FAT3: variants seen among roughly 807,000 people sequenced by gnomAD.
FAT3 encodes the protein FAT atypical cadherin 3.
A neutral mutation model predicts 310.2 loss-of-function variants in FAT3; 95 were observed. That is an observed-to-expected ratio of 0.31 (90% CI 0.26 to 0.36). The LOEUF (loss-of-function observed/expected upper bound fraction) is 0.36, where lower values mean the gene tolerates loss of function less well. Ranked by LOEUF, FAT3 falls within the 10% of genes least tolerant of loss-of-function variation. FAT3 has a pLI of 1.00. For missense variants in FAT3, 5,408 were observed against 5,715.6 expected (o/e 0.95, Z 1.74); for synonymous variants, 2,314 against 2,192.9 (o/e 1.06, Z -1.54).
chr11:92,304,364 T>A (rs1947069592), intron 1 of FAT3, among the ~76,000 whole-genome samples: 2 of 152,108 alleles, frequency 1.3e-5, no homozygotes, highest in African/African-American at 2.4e-5. Flanking sequence ...ACATCAGGGC[T>A]AGCAGCTGCT....
intron 2 of FAT3, among the ~76,000 whole-genome samples, chr11:92,453,278 C>A (rs1272877173): frequency 6.6e-6 from 1 of 152,168 alleles, no homozygotes; most frequent in East Asian, 1.9e-4. Flanking sequence ...TTCCTATTCA[C>A]CAGTAAAACC....
intron 2 of FAT3, among the ~76,000 whole-genome samples, chr11:92,430,447 T>A (rs1256424961): frequency 1.3e-5 from 2 of 152,118 alleles, no homozygotes; most frequent in Admixed American, 1.3e-4. Flanking sequence ...TTTTGCACTG[T>A]TTTTTCCTTA....
At position 92,465,211 on chromosome 11, in the gene FAT3, C is replaced by T. The variant is rs577790708; in HGVS notation, c.3293-59423C>T. 2.0e-4 allele frequency among the ~76,000 whole-genome samples: 30 copies of T among 152,242 alleles called. 2 individuals are homozygous for T. The South Asian group carries it at 6.2e-3, about 32-fold the overall frequency. Reference sequence around the variant, plus strand: ...TTTATTTTTCCCGTACATGTGAAAACTACTAATTGAAAGCTAATGGAATTG... The same window carrying T: ...TTTATTTTTCCCGTACATGTGAAAATTACTAATTGAAAGCTAATGGAATTG... On this transcript the variant is annotated intron_variant, in intron 2 of 27. Transcript: ENST00000525166.
intron 1 of FAT3, among the ~76,000 whole-genome samples, chr11:92,325,296 A>G (rs763511609): frequency 7.9e-5 from 12 of 152,214 alleles, no homozygotes; most frequent in Non-Finnish European, 1.5e-4. Flanking sequence ...GGCTAGAGCT[A>G]CATGAAAGAA....
chr11:92,824,474 A>T (rs1327481631), intron 13 of FAT3, among the ~76,000 whole-genome samples: 1 of 152,222 alleles, frequency 6.6e-6, no homozygotes, highest in East Asian at 1.9e-4. Context: ...CTGAAGACAA[A>T]CTATAATGGA....
chr11:92,615,112 TG>T (rs1940738984), intron 3 of FAT3, among the ~76,000 whole-genome samples: 1 of 152,256 alleles, frequency 6.6e-6, no homozygotes, highest in Admixed American at 6.5e-5. Context: ...GTAGCTTTAC[TG>T]TAAGTTTTGA....
rs565984255 is a variant in FAT3, at chr11:92,705,966, G to A, written c.3669+8521G>A. Among the ~76,000 whole-genome samples, 197 of 141,894 alleles carry A rather than the reference G, an allele frequency of 1.4e-3. 1 individual carries two copies. The highest frequency in any genetic ancestry group is 4.9e-3 in the African/African-American group (186 of 37,740). The allele number at this position is 141,894 out of a possible 152,430, so 93.1% of individuals were successfully genotyped here. On this transcript the variant is annotated intron_variant, in intron 4 of 27. Coordinates refer to ENST00000525166, the MANE Select transcript of FAT3 (RefSeq NM_001367949.2). ...ATTGTGGTGTGGTGGTTGTGATGGT[G>A]ATGGTAGTGGCAGTGATGGTGATGG...
intron 3 of FAT3, among the ~76,000 whole-genome samples, chr11:92,547,349 T>G (rs1368787070): frequency 2.0e-5 from 3 of 152,052 alleles, no homozygotes; most frequent in African/African-American, 7.2e-5. Context: ...TAGTTCAAAT[T>G]GAAAAGAAGC....
intron 3 of FAT3, among the ~76,000 whole-genome samples, chr11:92,600,245 C>G (rs1302456726): frequency 6.6e-6 from 1 of 152,108 alleles, no homozygotes; most frequent in Non-Finnish European, 1.5e-5. Context: ...TAAAATTATG[C>G]CTTAAAAAAG....
chr11:92,784,045 G>C (rs1483494038), intron 7 of FAT3, among the ~76,000 whole-genome samples: 2 of 152,150 alleles, frequency 1.3e-5, no homozygotes, highest in African/African-American at 4.8e-5. Context: ...TTTAATGTGT[G>C]TGTAACTTAA....
intron 1 of FAT3, among the ~76,000 whole-genome samples, chr11:92,278,002 G>C (rs1187163): frequency 0.6 from 90,876 of 151,864 alleles, 27,466 homozygotes; most frequent in African/African-American, 0.66. Flanking sequence ...GGGAGAATCA[G>C]CTGAGCCTGG....
At chr11:92,818,121 C>A (rs2136229005) in intron 13 of FAT3, among the ~76,000 whole-genome samples, 1 of 152,330 alleles carries the variant, frequency 6.6e-6, no homozygotes, top group South Asian at 2.1e-4. Context: ...ATAGCCAAAG[C>A]AAAGTTCCAA....
intron 25 of FAT3, among the ~76,000 whole-genome samples, chr11:92,888,230 G>T (rs868366618): frequency 6.6e-6 from 1 of 152,134 alleles, no homozygotes; most frequent in African/African-American, 2.4e-5. Context: ...ACCTAACAGT[G>T]GACTTTTTCT....
At chr11:92,260,613 G>T (rs1004961684) in intron 1 of FAT3, among the ~76,000 whole-genome samples, 1 of 152,090 alleles carries the variant, frequency 6.6e-6, no homozygotes, top group African/African-American at 2.4e-5. Context: ...CAGGAAATGG[G>T]CCATGAACTA....
At chr11:92,339,133 G>T (rs914343449) in intron 1 of FAT3, among the ~76,000 whole-genome samples, 1 of 152,070 alleles carries the variant, frequency 6.6e-6, no homozygotes, top group South Asian at 2.1e-4. Context: ...CTAATCTAGG[G>T]TTTCTCAACT....
chr11:92,825,771 CA>C (rs1187336375), intron 13 of FAT3, among the ~76,000 whole-genome samples: 1 of 152,082 alleles, frequency 6.6e-6, no homozygotes, highest in Admixed American at 6.5e-5. Context: ...AGAAACTTAA[CA>C]CTGGTTAAGT....
intron 2 of FAT3, among the ~76,000 whole-genome samples, chr11:92,437,301 T>C (rs940787385): frequency 6.6e-6 from 1 of 152,178 alleles, no homozygotes; most frequent in African/African-American, 2.4e-5. Context: ...TTCATTCATT[T>C]TAAATGTGAG....
chr11:92,651,625 T>A (rs1162809050), intron 3 of FAT3, among the ~76,000 whole-genome samples: 1 of 152,122 alleles, frequency 6.6e-6, no homozygotes, highest in Non-Finnish European at 1.5e-5. Context: ...TCAGTCTGAG[T>A]CAAGGGTGCA....
At chr11:92,866,462 A>G (rs3912660) in intron 21 of FAT3, among the ~76,000 whole-genome samples, 3,353 of 152,326 alleles carry the variant, frequency 0.022, 116 homozygotes, top group African/African-American at 0.076. Flanking sequence ...GTAAAGACCC[A>G]AGGAGTAGAA....
Sources: allele counts gnomAD v4.1 joint callset (sites outside exome capture counted in the v4.1 genomes callset), GRCh38; gene constraint gnomAD v4.1.1; transcripts MANE v1.5; gene names NCBI Gene and HGNC (gene_info 2026-07-23, HGNC 2026-07-21).